The following RANBP9 variants were observed in gnomAD, a reference collection of about 807,000 sequenced individuals.
RANBP9 encodes the protein RAN binding protein 9, also known as ran-binding protein 9.
In RANBP9, 15 loss-of-function variants were observed where a neutral mutation model predicts 84.3. The ratio of observed to expected loss-of-function variants is 0.18; its 90% CI spans 0.12 to 0.27. RANBP9 has a LOEUF of 0.27. Ranked by LOEUF, RANBP9 falls within the 10% of genes least tolerant of loss-of-function variation. RANBP9 has a pLI of 1.00. For missense variants in RANBP9, 809 were observed against 912.8 expected (o/e 0.89, Z 1.46); for synonymous variants, 392 against 349.6 (o/e 1.12, Z -1.35).
intron 13 of RANBP9, among the ~76,000 whole-genome samples, chr6:13,624,723 G>A (rs1430497663): frequency 6.6e-6 from 1 of 152,026 alleles, no homozygotes; most frequent in African/African-American, 2.4e-5. Flanking sequence ...TCGAATTAGC[G>A]TTTCGCACTT....
At chr6:13,633,471 A>G (rs908247407) in intron 11 of RANBP9, among the ~76,000 whole-genome samples, 4 of 152,226 alleles carry the variant, frequency 2.6e-5, no homozygotes, top group African/African-American at 9.6e-5. Context: ...TTTTTGGATT[A>G]TTCATTTACT....
intron 1 of RANBP9, among the ~76,000 whole-genome samples, chr6:13,702,116 C>T (rs1259810109): frequency 6.6e-6 from 1 of 152,134 alleles, no homozygotes; most frequent in African/African-American, 2.4e-5. Flanking sequence ...CAGTAATGTA[C>T]CAGAGTTGGT....
chr6:13,706,870 T>C (rs576215107), intron 1 of RANBP9, among the ~76,000 whole-genome samples: 50 of 151,192 alleles, frequency 3.3e-4, no homozygotes, highest in Non-Finnish European at 5.3e-4. Flanking sequence ...GACGTGGTGC[T>C]AAGCGCCTGT....
At chr6:13,664,057 G>A (rs1765592081) in intron 2 of RANBP9, among the ~76,000 whole-genome samples, 1 of 151,934 alleles carries the variant, frequency 6.6e-6, no homozygotes, top group African/African-American at 2.4e-5. Context: ...GAAATAAAAT[G>A]CATAAAAATC....
At chr6:13,703,028 T>C (rs1758013803) in intron 1 of RANBP9, among the ~76,000 whole-genome samples, 1 of 152,208 alleles carries the variant, frequency 6.6e-6, no homozygotes. Context: ...GGGGAGGCTG[T>C]TTGAGACAGT....
At chr6:13,627,195 T>G (rs1764632282) in intron 12 of RANBP9, among the ~76,000 whole-genome samples, 1 of 152,318 alleles carries the variant, frequency 6.6e-6, no homozygotes, top group Non-Finnish European at 1.5e-5. Context: ...AAGACCTGCT[T>G]CTTCCAGCAA....
At chr6:13,641,389 A>G (rs565266339) in intron 7 of RANBP9, 82 bp from the exon 8 acceptor site, 1 of 786,588 alleles carries the variant, frequency 1.3e-6, no homozygotes. Context: ...AAAGAAAGTT[A>G]GTAAGAAATC....
intron 13 of RANBP9, among the ~76,000 whole-genome samples, chr6:13,623,474 GT>G (rs1213612170): frequency 6.6e-6 from 1 of 152,130 alleles, no homozygotes; most frequent in African/African-American, 2.4e-5. Context: ...GGACTTAAAG[GT>G]AGAAGAGAAA....
chr6:13,644,819 T>TA lies in RANBP9; in HGVS notation c.928-91dup, dbSNP rs1765145490. 2.1e-5 allele frequency: 22 copies of TA among 1,030,730 alleles called. No homozygotes were observed. The East Asian group carries it at 6.3e-4, about 30-fold the overall frequency. 63.8% of individuals were successfully genotyped at this position (1,030,730 alleles called of 1,614,324 possible). On this transcript the variant is annotated intron_variant, in intron 5 of 13. Coordinates refer to ENST00000011619, the MANE Select transcript of RANBP9 (RefSeq NM_005493.3). Reference sequence around the variant, plus strand: ...TGTTACATTTAAAAGAATAGAACTATAAATTTACTTCATATTTTAAAATCC... The same window carrying TA: ...TGTTACATTTAAAAGAATAGAACTATAAAATTTACTTCATATTTTAAAATCC...
intron 5 of RANBP9, among the ~76,000 whole-genome samples, chr6:13,647,266 A>T (rs986348486): frequency 6.6e-6 from 1 of 152,192 alleles, no homozygotes; most frequent in African/African-American, 2.4e-5. Context: ...TACCATATTC[A>T]TCAAGTCTCA....
chr6:13,634,296 G>T (rs1764876872), intron 11 of RANBP9, 135 bp downstream of exon 11: 1 of 1,044,056 alleles, frequency 9.6e-7, no homozygotes, highest in Non-Finnish European at 1.4e-6. Context: ...TAAGTGCTAT[G>T]CATTACTGTC....
In RANBP9 at chr6:13,622,284, AT is replaced by A. The variant is rs1294583016; in HGVS notation, c.*77del. The A allele has an allele frequency of 7.5e-7, 1 of 1,340,340 alleles. No individual in the cohort carries two copies. Among genetic ancestry groups the A allele is most frequent in the African/African-American group, 1.5e-5 (1 of 67,312 alleles). 83.0% of individuals were successfully genotyped at this position (1,340,340 alleles called of 1,614,324 possible). On this transcript the variant is annotated 3_prime_UTR_variant, in exon 14 of 14. Coordinates refer to ENST00000011619, the MANE Select transcript of RANBP9 (RefSeq NM_005493.3). Reference sequence around the variant, plus strand: ...CCAGTACATAATTTAAAAAATCTAAATTTCAAATCAGCAGAGCTGGTCTACT... The same window carrying A: ...CCAGTACATAATTTAAAAAATCTAAATTCAAATCAGCAGAGCTGGTCTACT...
chr6:13,635,986 G>A (rs943317605), intron 10 of RANBP9, among the ~76,000 whole-genome samples: 2 of 152,046 alleles, frequency 1.3e-5, no homozygotes, highest in East Asian at 3.9e-4. Flanking sequence ...ATATTACAGA[G>A]TAATTATGAT....
intron 10 of RANBP9, among the ~76,000 whole-genome samples, chr6:13,636,740 C>T (rs903313923): frequency 1.3e-5 from 2 of 152,180 alleles, no homozygotes; most frequent in Non-Finnish European, 2.9e-5. Flanking sequence ...TCTTCTCATA[C>T]ACTTTTGTGG....
chr6:13,634,317 G>T, intron 11 of RANBP9, 114 bp downstream of exon 11: 2 of 1,300,764 alleles, frequency 1.5e-6, no homozygotes, highest in Non-Finnish European at 2.1e-6. Flanking sequence ...AAGTCCTACA[G>T]CACATACATC....
chr6:13,660,773 A>G (rs903004533), intron 2 of RANBP9, among the ~76,000 whole-genome samples: 3 of 152,240 alleles, frequency 2.0e-5, no homozygotes, highest in Non-Finnish European at 2.9e-5. Context: ...GTGAGACAAG[A>G]GTGACAAAAC....
At chr6:13,630,735 C>T (rs762595882) in intron 12 of RANBP9, among the ~76,000 whole-genome samples, 28 of 152,106 alleles carry the variant, frequency 1.8e-4, no homozygotes, top group Non-Finnish European at 3.7e-4. Flanking sequence ...GATACCACAA[C>T]AGACTAAAGG....
chr6:13,650,837 AC>A (rs1765280210), intron 5 of RANBP9, among the ~76,000 whole-genome samples: 1 of 152,086 alleles, frequency 6.6e-6, no homozygotes, highest in Non-Finnish European at 1.5e-5. Context: ...GCTGGCGTGC[AC>A]CTGTGGTCCC....
chr6:13,697,205 G>A (rs977425143), intron 1 of RANBP9, among the ~76,000 whole-genome samples: 24 of 152,138 alleles, frequency 1.6e-4, no homozygotes, highest in African/African-American at 5.3e-4. Flanking sequence ...ATATTTTTAA[G>A]AGGAAAAAGG....
Sources: allele counts gnomAD v4.1 joint callset (sites outside exome capture counted in the v4.1 genomes callset), GRCh38; gene constraint gnomAD v4.1.1; transcripts MANE v1.5; gene names NCBI Gene and HGNC (gene_info 2026-07-23, HGNC 2026-07-21).